Variants in MAML3 observed in about 807,000 individuals in gnomAD.
MAML3 encodes the protein mastermind-like protein 3.
A neutral mutation model predicts 101.9 loss-of-function variants in MAML3; 27 were observed. The observed-to-expected ratio is 0.27, with a 90% CI of 0.20 to 0.37. The LOEUF (loss-of-function observed/expected upper bound fraction) is 0.37. Ranked by LOEUF, MAML3 falls within the 10% of genes least tolerant of loss-of-function variation. The probability of loss-of-function intolerance (pLI) is 1.00; values close to 1 mark genes in which losing one functional copy is unlikely to be tolerated. For missense variants in MAML3, 1,316 were observed against 1,444.9 expected (o/e 0.91, Z 1.45); for synonymous variants, 501 against 555.9 (o/e 0.90, Z 1.39).
chr4:139,912,279 A>C (rs189398258), intron 1 of MAML3, among the ~76,000 whole-genome samples: 1 of 152,306 alleles, frequency 6.6e-6, no homozygotes, highest in African/African-American at 2.4e-5. Context: ...GGAGAGGTGG[A>C]GACAAAGAAG....
intron 1 of MAML3, among the ~76,000 whole-genome samples, chr4:139,895,308 C>T (rs931733202): frequency 6.6e-6 from 1 of 152,216 alleles, no homozygotes; most frequent in Admixed American, 6.5e-5. Context: ...TGATACCTTC[C>T]ATTAGAATAT....
chr4:140,137,124 G>A (rs940794947), intron 1 of MAML3, among the ~76,000 whole-genome samples: 2 of 152,172 alleles, frequency 1.3e-5, no homozygotes, highest in Admixed American at 6.5e-5. Flanking sequence ...GAGTAGCTGG[G>A]ATTACAGGCG....
intron 1 of MAML3, among the ~76,000 whole-genome samples, chr4:140,078,254 GA>G (rs1022620001): frequency 6.8e-6 from 1 of 147,706 alleles, no homozygotes; most frequent in East Asian, 2.0e-4. Flanking sequence ...TTGGTTTTAA[GA>G]AAAAAAATCA....
intron 1 of MAML3, among the ~76,000 whole-genome samples, chr4:140,099,510 C>T (rs1011019742): frequency 8.5e-5 from 13 of 152,058 alleles, no homozygotes; most frequent in Admixed American, 2.6e-4. Flanking sequence ...GCAATCCTCC[C>T]GCCTGGAGTT....
chr4:139,975,638 A>G (rs965407890), intron 1 of MAML3, among the ~76,000 whole-genome samples: 3 of 152,144 alleles, frequency 2.0e-5, no homozygotes, highest in African/African-American at 7.2e-5. Flanking sequence ...TCACTGCTGT[A>G]TGTCTCAAGC....
At chr4:139,789,599 A>G (rs976789373) in intron 2 of MAML3, among the ~76,000 whole-genome samples, 40 of 152,294 alleles carry the variant, frequency 2.6e-4, no homozygotes, top group African/African-American at 9.4e-4. Context: ...CAGGGTTTTG[A>G]ATGTCATGTA....
chr4:139,893,880 G>A (rs1732553195), intron 1 of MAML3, among the ~76,000 whole-genome samples: 1 of 152,162 alleles, frequency 6.6e-6, no homozygotes, highest in African/African-American at 2.4e-5. Flanking sequence ...CTGGGGAGAT[G>A]CTTGCTGAGT....
chr4:139,977,083 G>A (rs1230958238), intron 1 of MAML3, among the ~76,000 whole-genome samples: 1 of 152,166 alleles, frequency 6.6e-6, no homozygotes, highest in Admixed American at 6.5e-5. Flanking sequence ...CTGGTGAGCT[G>A]CTTCGGCCCT....
intron 1 of MAML3, among the ~76,000 whole-genome samples, chr4:139,965,792 C>T (rs542693421): frequency 6.6e-6 from 1 of 152,168 alleles, no homozygotes; most frequent in African/African-American, 2.4e-5. Flanking sequence ...GAGTGTCTTG[C>T]TATGTTGTCC....
At chr4:139,938,874 C>A (rs1384680284) in intron 1 of MAML3, among the ~76,000 whole-genome samples, 1 of 152,130 alleles carries the variant, frequency 6.6e-6, no homozygotes, top group African/African-American at 2.4e-5. Flanking sequence ...TATACACAAA[C>A]CCAATTAATG....
intron 1 of MAML3, among the ~76,000 whole-genome samples, chr4:140,104,608 T>C (rs986621338): frequency 1.3e-5 from 2 of 148,464 alleles, no homozygotes; most frequent in African/African-American, 2.5e-5. Context: ...TCCTCTTACC[T>C]CAGCCTCACG....
chr4:140,077,098 T>G (rs1578673083), intron 1 of MAML3, among the ~76,000 whole-genome samples: 1 of 152,012 alleles, frequency 6.6e-6, no homozygotes, highest in Non-Finnish European at 1.5e-5. Context: ...GCCAGGCTGG[T>G]CTTGAACTCC....
intron 1 of MAML3, among the ~76,000 whole-genome samples, chr4:140,098,511 G>A (rs762330599): frequency 6.6e-6 from 1 of 152,228 alleles, no homozygotes; most frequent in Non-Finnish European, 1.5e-5. Flanking sequence ...AAAGGGAGAA[G>A]CCAGATTCCC....
intron 2 of MAML3, among the ~76,000 whole-genome samples, chr4:139,745,734 T>TA (rs1729298442): frequency 6.6e-6 from 1 of 152,186 alleles, no homozygotes; most frequent in African/African-American, 2.4e-5. Context: ...TCCCTATTTT[T>TA]AAAAAACTAA....
chr4:139,884,008 A>G (rs904809571), intron 2 of MAML3, among the ~76,000 whole-genome samples: 20 of 150,342 alleles, frequency 1.3e-4, no homozygotes, highest in African/African-American at 4.9e-4. Context: ...CAGACTCCCA[A>G]TTAGCTGGGA....
intron 1 of MAML3, among the ~76,000 whole-genome samples, chr4:140,041,110 G>C (rs957335202): frequency 1.3e-5 from 2 of 151,966 alleles, no homozygotes; most frequent in African/African-American, 4.8e-5. Context: ...TATATAGATG[G>C]GAGTTATTTG....
chr4:140,122,410 T>C (rs1728621208), intron 1 of MAML3, among the ~76,000 whole-genome samples: 1 of 151,966 alleles, frequency 6.6e-6, no homozygotes, highest in African/African-American at 2.4e-5. Context: ...TTAATAGAGA[T>C]AGGGTTTCAC....
At chr4:139,909,372 G>A (rs1477328191) in intron 1 of MAML3, among the ~76,000 whole-genome samples, 2 of 152,180 alleles carry the variant, frequency 1.3e-5, no homozygotes, top group Non-Finnish European at 2.9e-5. Flanking sequence ...ACACGTCTAT[G>A]GAGCTTTTGA....
intron 1 of MAML3, among the ~76,000 whole-genome samples, chr4:140,051,295 C>CT (rs1341334148): frequency 6.6e-6 from 1 of 152,166 alleles, no homozygotes; most frequent in Non-Finnish European, 1.5e-5. Context: ...TGGCTCATGC[C>CT]TGTAATCCCA....
Sources: allele counts gnomAD v4.1 joint callset (sites outside exome capture counted in the v4.1 genomes callset), GRCh38; gene constraint gnomAD v4.1.1; transcripts MANE v1.5; gene names NCBI Gene and HGNC (gene_info 2026-07-23, HGNC 2026-07-21).